ZEB1: variants seen among roughly 807,000 people sequenced by gnomAD.
ZEB1 encodes zinc finger E-box-binding homeobox 1.
In ZEB1, 21 loss-of-function variants were observed where a neutral mutation model predicts 84.9. That is an observed-to-expected ratio of 0.25 (90% CI 0.18 to 0.36). ZEB1 has a LOEUF of 0.36. Ranked by LOEUF, ZEB1 falls within the 10% of genes least tolerant of loss-of-function variation. The pLI is 1.00. For missense variants in ZEB1, 1,104 were observed against 1,330.2 expected (o/e 0.83, Z 2.65); for synonymous variants, 420 against 471.1 (o/e 0.89, Z 1.41).
intron 2 of ZEB1, among the ~76,000 whole-genome samples, chr10:31,483,046 C>G (rs2065260546): frequency 6.6e-6 from 1 of 152,010 alleles, no homozygotes; most frequent in Admixed American, 6.6e-5. Flanking sequence ...AAGGATAAAT[C>G]AGGCTAATTC....
intron 1 of ZEB1, among the ~76,000 whole-genome samples, chr10:31,427,929 C>T (rs544359119): frequency 6.6e-6 from 1 of 151,576 alleles, no homozygotes; most frequent in South Asian, 2.1e-4. Flanking sequence ...TAATATCCCC[C>T]TTGTTGTTGT....
chr10:31,443,522 A>C (rs552859370), intron 1 of ZEB1, among the ~76,000 whole-genome samples: 55 of 146,708 alleles, frequency 3.7e-4, no homozygotes, highest in East Asian at 1.5e-3. Context: ...CTAACTCGTC[A>C]TCTAGCATTA....
intron 1 of ZEB1, among the ~76,000 whole-genome samples, chr10:31,385,618 C>A (rs1255257512): frequency 6.6e-6 from 1 of 151,872 alleles, no homozygotes; most frequent in African/African-American, 2.4e-5. Flanking sequence ...CCTCCACCTC[C>A]CAGGTTCAAG....
intron 2 of ZEB1, among the ~76,000 whole-genome samples, chr10:31,479,786 A>G (rs752510186): frequency 1.1e-4 from 16 of 152,102 alleles, no homozygotes; most frequent in Non-Finnish European, 1.8e-4. Flanking sequence ...TAAAAGAATC[A>G]TATGGAAAAA....
chr10:31,433,833 A>T (rs1591212244), intron 1 of ZEB1, among the ~76,000 whole-genome samples: 1 of 152,158 alleles, frequency 6.6e-6, no homozygotes, highest in Admixed American at 6.5e-5. Context: ...CAACAGTTTG[A>T]CCTACCATTG....
chr10:31,522,404 TTAAA>T (rs1197483312), intron 7 of ZEB1, among the ~76,000 whole-genome samples: 11 of 152,224 alleles, frequency 7.2e-5, no homozygotes, highest in Non-Finnish European at 2.9e-5. Flanking sequence ...AAGGTTTTAA[TTAAA>T]TAAACAGGAA....
chr10:31,388,540 T>C (rs1232800287), intron 1 of ZEB1, among the ~76,000 whole-genome samples: 1 of 152,082 alleles, frequency 6.6e-6, no homozygotes, highest in Admixed American at 6.6e-5. Context: ...TTGGACCTTT[T>C]TGAAAAACCT....
intron 1 of ZEB1, among the ~76,000 whole-genome samples, chr10:31,405,604 G>A (rs2052828035): frequency 6.6e-6 from 1 of 151,932 alleles, no homozygotes; most frequent in Non-Finnish European, 1.5e-5. Context: ...AAATTTATAA[G>A]CCCATTGTGG....
intron 1 of ZEB1, among the ~76,000 whole-genome samples, chr10:31,411,484 T>C (rs2054249376): frequency 6.6e-6 from 1 of 151,734 alleles, no homozygotes; most frequent in Admixed American, 6.6e-5. Flanking sequence ...ACAAAAAAAT[T>C]AGCCGGGCGC....
At chr10:31,336,839 T>C (rs569724849) in intron 1 of ZEB1, among the ~76,000 whole-genome samples, 16 of 152,310 alleles carry the variant, frequency 1.1e-4, no homozygotes, top group Non-Finnish European at 1.5e-4. Flanking sequence ...GCTGTTGGTA[T>C]AGACATGGAA....
intron 1 of ZEB1, among the ~76,000 whole-genome samples, chr10:31,381,311 T>C (rs1386506050): frequency 6.6e-6 from 1 of 152,218 alleles, no homozygotes; most frequent in East Asian, 1.9e-4. Context: ...AGATATACTG[T>C]ATCTTTATAC....
chr10:31,526,042 G>T (rs1351067632), intron 8 of ZEB1, among the ~76,000 whole-genome samples: 2 of 152,232 alleles, frequency 1.3e-5, no homozygotes, highest in African/African-American at 4.8e-5. Context: ...TCATGTCTGG[G>T]CAGCAACACT....
intron 1 of ZEB1, among the ~76,000 whole-genome samples, chr10:31,426,466 G>A (rs1001417585): frequency 6.6e-6 from 1 of 152,018 alleles, no homozygotes; most frequent in Admixed American, 6.6e-5. Flanking sequence ...GTTTTATATC[G>A]GTAACCTCAC....
At chr10:31,492,399 A>G (rs1477380476) in intron 2 of ZEB1, among the ~76,000 whole-genome samples, 2 of 151,936 alleles carry the variant, frequency 1.3e-5, no homozygotes, top group African/African-American at 4.8e-5. Context: ...TGTCCTGAGC[A>G]TTAAGGTAGA....
intron 1 of ZEB1, among the ~76,000 whole-genome samples, chr10:31,335,138 T>C (rs1357778201): frequency 6.6e-6 from 1 of 152,266 alleles, no homozygotes; most frequent in East Asian, 1.9e-4. Flanking sequence ...TGGTTACCTA[T>C]GCTCAATCAC....
intron 2 of ZEB1, among the ~76,000 whole-genome samples, chr10:31,477,887 G>T (rs781123941): frequency 3.3e-5 from 5 of 151,858 alleles, no homozygotes; most frequent in African/African-American, 7.2e-5. Context: ...ACCCATAAAT[G>T]TAAGATGTGA....
In ZEB1 at chr10:31,514,713, A is replaced by G; in HGVS notation, c.793+5A>G. 1.9e-6 allele frequency: 3 copies of G among 1,608,412 alleles called. No individual in the cohort carries two copies. The highest frequency in any genetic ancestry group is 2.6e-6 in the Non-Finnish European group (3 of 1,175,780). ...AGCACTTAAGAATTCACAGTGGTAA[A>G]TATTTTTTTTCTTTCTATACCCTGA... is the stretch of plus-strand genomic sequence containing the variant. On this transcript the variant is annotated splice_donor_5th_base_variant and intron_variant, in intron 6 of 8. Coordinates refer to ENST00000424869, the MANE Select transcript of ZEB1 (RefSeq NM_001174096.2).
chr10:31,474,819 C>G (rs1279069717), intron 2 of ZEB1, among the ~76,000 whole-genome samples: 1 of 151,958 alleles, frequency 6.6e-6, no homozygotes, highest in African/African-American at 2.4e-5. Flanking sequence ...CCCAAATGTC[C>G]AACAATGATA....
intron 1 of ZEB1, among the ~76,000 whole-genome samples, chr10:31,327,418 T>G (rs1173325225): frequency 1.3e-5 from 2 of 152,170 alleles, no homozygotes; most frequent in African/African-American, 4.8e-5. Flanking sequence ...ACATATAATT[T>G]ACTTTCTTTA....
Sources: gnomAD v4.1 joint callset for allele counts (sites outside exome capture counted in the v4.1 genomes callset) on GRCh38, gnomAD v4.1.1 for gene constraint, MANE v1.5 for transcripts, NCBI Gene and HGNC (gene_info 2026-07-23, HGNC 2026-07-21) for gene names.